The following CSRNP1 variants were observed in gnomAD, a reference collection of about 807,000 sequenced individuals.
CSRNP1 encodes the protein cysteine and serine rich nuclear protein 1, also known as cysteine/serine-rich nuclear protein 1.
CSRNP1 carries 8 observed loss-of-function variants against 25.0 expected under a neutral mutation model. The ratio of observed to expected loss-of-function variants is 0.32; its 90% CI spans 0.19 to 0.58. The LOEUF (loss-of-function observed/expected upper bound fraction) is 0.58, where lower values mean the gene tolerates loss of function less well. Among genes scored for constraint, CSRNP1 ranks in the 20% least tolerant of loss-of-function variants. The probability of loss-of-function intolerance (pLI) is 0.88; values close to 1 mark genes in which losing one functional copy is unlikely to be tolerated. For missense variants in CSRNP1, 691 were observed against 773.1 expected (o/e 0.89, Z 1.26); for synonymous variants, 305 against 303.1 (o/e 1.01, Z -0.06).
chr3:39,143,359 G>C lies in CSRNP1; in HGVS notation c.1466C>G (p.Ala489Gly), dbSNP rs145148130. The C allele has an allele frequency of 6.2e-7, 1 of 1,614,186 alleles. No individual in the cohort carries two copies. The highest frequency in any genetic ancestry group is 8.5e-7 in the Non-Finnish European group (1 of 1,180,020). ...PGTSVPPSMDAGRSSSVDLSL... is the reference protein window; with the variant it reads ...PGTSVPPSMDGGRSSSVDLSL... ...GAGATCCACTGAGCTACTCCGGCCA[G>C]CGTCCATGCTGGGTGGCACTGAGGT... Residue 489 changes from alanine to glycine, a missense_variant, in exon 5 of 5, where the codon GCT becomes GGT. Coordinates refer to ENST00000273153, the MANE Select transcript of CSRNP1 (RefSeq NM_033027.4).
chr3:39,145,916 G>A (rs1243172541), intron 2 of CSRNP1, among the ~76,000 whole-genome samples: 2 of 152,158 alleles, frequency 1.3e-5, no homozygotes, highest in African/African-American at 4.8e-5. Context: ...CATGGTGGGG[G>A]ATAATTAAGG....
At position 39,147,300 on chromosome 3, in the gene CSRNP1, T is replaced by TTCC. The variant is rs143553069; in HGVS notation, c.-40-581_-40-579dup. On this transcript the variant is annotated intron_variant, in intron 1 of 4. Transcript: ENST00000273153. Reference sequence around the variant, plus strand: ...CACGGCCCTGGTATGGTGGCTCTGCTTCCTCCTCCTCCTCCTCCAGCACAT... The same window carrying TTCC: ...CACGGCCCTGGTATGGTGGCTCTGCTTCCTCCTCCTCCTCCTCCTCCAGCACAT... Among the ~76,000 whole-genome samples the TTCC allele has an allele frequency of 7.4e-3, 1,129 of 151,782 alleles. 11 individuals are homozygous for TTCC. The highest frequency in any genetic ancestry group is 0.012 in the Non-Finnish European group (828 of 67,842).
intron 1 of CSRNP1, among the ~76,000 whole-genome samples, chr3:39,148,077 G>A (rs528908202): frequency 7.4e-4 from 113 of 152,274 alleles, no homozygotes; most frequent in African/African-American, 1.9e-3. Context: ...AGAGTTTGCT[G>A]TCAACCTTAC....
chr3:39,146,753 C>A (rs1416920550), intron 1 of CSRNP1, 31 bp from the exon 2 acceptor site: 4 of 1,525,604 alleles, frequency 2.6e-6, no homozygotes, highest in Non-Finnish European at 3.5e-6. Flanking sequence ...CTCTAAGTGG[C>A]AGGCAGGCAG....
chr3:39,144,802 C>G (rs996759320), intron 3 of CSRNP1, among the ~76,000 whole-genome samples, 195 bp downstream of exon 3: 2 of 152,046 alleles, frequency 1.3e-5, no homozygotes, highest in African/African-American at 2.4e-5. Context: ...CAAATAGACA[C>G]GAGCCCTCCT....
rs2039459557 is a variant in CSRNP1 at position 39,143,838 on chromosome 3, G to C, written c.987C>G (p.Val329=). Residue 329 remains valine, a synonymous_variant, in exon 5 of 5, where the codon GTC becomes GTG. Transcript: ENST00000273153. ...SPPSPGEEAL[V]PTFPLAKPPM... is the part of the protein sequence containing the mutation. ...GGGGCTTGGCCAGTGGGAAAGTAGG[G>C]ACCAGGGCCTCCTCACCAGGGCTGG... 1 of 1,614,086 alleles carries C rather than the reference G, an allele frequency of 6.2e-7. No individual in the cohort carries two copies. The highest frequency in any genetic ancestry group is 8.5e-7 in the Non-Finnish European group (1 of 1,180,032).
chr3:39,153,605 C>CCCGCCCGCCGCTCCGCCCGCCGCT (rs1229612891), upstream of CSRNP1: 2 of 151,964 alleles, frequency 1.3e-5, no homozygotes, highest in African/African-American at 4.8e-5. Flanking sequence ...TGCGCCCAGC[C>CCCGCCCGCCGCTCCGCCCGCCGCT]CCGCCCGCCG....
At chr3:39,154,065 C>T (rs2039625815), upstream of CSRNP1, 1 of 151,934 alleles carries the variant, frequency 6.6e-6, no homozygotes, top group African/African-American at 2.4e-5. Flanking sequence ...TCTAAAAGTT[C>T]CCCCCTCCGC....
At position 39,143,709 on chromosome 3, in the gene CSRNP1, G is replaced by A. The variant is rs2039455104; in HGVS notation, c.1116C>T (p.Pro372=). 1 of 1,614,216 alleles carries A rather than the reference G, an allele frequency of 6.2e-7. No individual in the cohort carries two copies. Among genetic ancestry groups the A allele is most frequent in the Non-Finnish European group, 8.5e-7 (1 of 1,180,036 alleles). ...CAGGGCCAGGCAGGCCTGGGTGGGT[G>A]GGGCAGTCAGGAGCCTCACTAGTGC... The part of the protein sequence containing the change: ...ASGTSEAPDC[P]THPGLPGPGF... The change falls in exon 5 of 5, where the codon CCC becomes CCT. Residue 372 remains proline, a synonymous_variant. Transcript: ENST00000273153.
intron 1 of CSRNP1, among the ~76,000 whole-genome samples, chr3:39,147,237 A>ATGTGTG (rs2039527078): frequency 1.8e-5 from 2 of 114,028 alleles, no homozygotes; most frequent in Non-Finnish European, 3.9e-5. Context: ...GTGTGTGTGT[A>ATGTGTG]TGTGTGTGTG....
At chr3:39,148,030 C>G (rs1339772196) in intron 1 of CSRNP1, among the ~76,000 whole-genome samples, 1 of 152,190 alleles carries the variant, frequency 6.6e-6, no homozygotes, top group South Asian at 2.1e-4. Flanking sequence ...ACTCCTTTGC[C>G]CTCTTCCCAG....
Position 39,143,633 on chromosome 3 carries a change from T to C in CSRNP1, c.1192A>G (p.Ser398Gly). The C allele has an allele frequency of 6.2e-7, 1 of 1,614,102 alleles. No homozygotes were observed. Among genetic ancestry groups the C allele is most frequent in the Non-Finnish European group, 8.5e-7 (1 of 1,180,024 alleles). The change falls in exon 5 of 5, where the codon AGT (serine) becomes GGT (glycine). Residue 398 changes from serine (S) to glycine (G), a missense_variant. Ser to Gly is a moderately conservative substitution (Grantham distance 56). Transcript: ENST00000273153. The part of the protein sequence containing the change: ...DDSLARILSF[S>G]DSDFGGEEEE... ...TCCTCCCCACCGAAGTCAGAGTCAC[T>C]GAAACTCAAGATGCGTGCCAGGCTG... is the stretch of plus-strand genomic sequence containing the variant.
chr3:39,151,815 G>A (rs760180980), intron 1 of CSRNP1: 40 of 152,420 alleles, frequency 2.6e-4, no homozygotes, highest in Non-Finnish European at 5.4e-4. Flanking sequence ...CTGGGGGAGG[G>A]GACGGCTCCT....
At chr3:39,152,177 G>C (rs2039590103) in intron 1 of CSRNP1, 1 of 152,744 alleles carries the variant, frequency 6.5e-6, no homozygotes, top group Non-Finnish European at 1.5e-5. Flanking sequence ...TCCGAGGAAG[G>C]AATGTAGGCA....
At chr3:39,144,681 C>T (rs1041432880) in intron 3 of CSRNP1, among the ~76,000 whole-genome samples, 4 of 152,008 alleles carry the variant, frequency 2.6e-5, no homozygotes, top group Admixed American at 1.3e-4. Context: ...AGATCATGGA[C>T]AGACTCCCTT....
intron 2 of CSRNP1, among the ~76,000 whole-genome samples, 169 bp from the exon 3 acceptor site, chr3:39,145,425 A>C (rs576206252): frequency 3.9e-5 from 6 of 152,330 alleles, no homozygotes; most frequent in Admixed American, 3.9e-4. Flanking sequence ...TTGGGACTGG[A>C]GCGGCTGAAA....
chr3:39,150,640 T>G (rs569989215), intron 1 of CSRNP1: 2 of 152,564 alleles, frequency 1.3e-5, no homozygotes, highest in African/African-American at 4.8e-5. Context: ...GGTGCCAATG[T>G]AGGCAATCCC....
upstream of CSRNP1, chr3:39,154,069 C>G (rs1352238674): frequency 6.6e-6 from 1 of 152,096 alleles, no homozygotes; most frequent in Non-Finnish European, 1.5e-5. Context: ...AAAGTTCCCC[C>G]CTCCGCCCCC....
chr3:39,142,632 C>A lies in CSRNP1; in HGVS notation c.*423G>T. ...GAAATAAATTATAGTCTTCACAGTC[C>A]AGTGGATTTAGCCACCCATGGGTCT... On this transcript the variant is annotated 3_prime_UTR_variant, in exon 5 of 5. Coordinates refer to ENST00000273153, the MANE Select transcript of CSRNP1 (RefSeq NM_033027.4). 1 of 159,802 alleles carries A rather than the reference C, an allele frequency of 6.3e-6. No individual in the cohort carries two copies. The highest frequency in any genetic ancestry group is 2.0e-4 in the South Asian group (1 of 5,128). 9.9% of individuals were successfully genotyped at this position (159,802 alleles called of 1,614,324 possible).
Sources: allele counts gnomAD v4.1 joint callset (sites outside exome capture counted in the v4.1 genomes callset), GRCh38; gene constraint gnomAD v4.1.1; transcripts MANE v1.5; gene names NCBI Gene and HGNC (gene_info 2026-07-23, HGNC 2026-07-21).